Variants in HYDIN observed in about 807,000 individuals in gnomAD.
HYDIN encodes the protein axonemal central pair apparatus protein HYDIN.
In HYDIN, 132 loss-of-function variants were observed where a neutral mutation model predicts 403.9. The ratio of observed to expected loss-of-function variants is 0.33; its 90% confidence interval spans 0.28 to 0.38. The LOEUF (loss-of-function observed/expected upper bound fraction) is 0.38, where lower values mean the gene tolerates loss of function less well. HYDIN is among the 10% of genes least tolerant of loss of function. The pLI is 1.00. For synonymous variants in HYDIN, 1,202 were observed against 1,891.7 expected (o/e 0.64, Z 9.46); for missense variants, 2,827 against 5,009.5 (o/e 0.56, Z 13.15).
At chr16:71,052,178 T>G (rs2081676700) in intron 18 of HYDIN, among the ~76,000 whole-genome samples, 1 of 152,242 alleles carries the variant, frequency 6.6e-6, no homozygotes, top group Admixed American at 6.5e-5. Flanking sequence ...ATCAAGCTGT[T>G]GAGGATCATG....
intron 85 of HYDIN, among the ~76,000 whole-genome samples, chr16:70,808,763 C>T (rs2035265006): frequency 6.6e-6 from 1 of 152,228 alleles, no homozygotes; most frequent in Admixed American, 6.5e-5. Context: ...AGTACAAAAG[C>T]TACCTTTCCT....
At chr16:71,059,869 C>T (rs2082025131) in intron 18 of HYDIN, among the ~76,000 whole-genome samples, 1 of 152,108 alleles carries the variant, frequency 6.6e-6, no homozygotes, top group Non-Finnish European at 1.5e-5. Flanking sequence ...GTCAACTGTA[C>T]ATAGAAATGA....
intron 1 of HYDIN, among the ~76,000 whole-genome samples, chr16:71,188,539 G>C (rs985135722): frequency 6.6e-6 from 1 of 152,168 alleles, no homozygotes; most frequent in Admixed American, 6.6e-5. Context: ...ATATTTTAGA[G>C]TGTGAAACAC....
At position 71,046,637 on chromosome 16, in the gene HYDIN, G is replaced by A. The variant is rs142535985; in HGVS notation, c.2529+13867C>T. 3.9e-5 allele frequency among the ~76,000 whole-genome samples: 6 copies of A among 152,288 alleles called. No homozygotes were observed. The East Asian group carries it at 1.2e-3, about 29-fold the overall frequency. ...TTCTTCAGTCTCTGTCCTTTCGTTT[G>A]TGACAGGGAAGAGAAAACGAAACAG... On this transcript the variant is annotated intron_variant, in intron 18 of 85. Coordinates refer to ENST00000393567, the MANE Select transcript of HYDIN (RefSeq NM_001270974.2).
intron 64 of HYDIN, among the ~76,000 whole-genome samples, chr16:70,873,795 C>T (rs2040277304): frequency 6.6e-6 from 1 of 152,102 alleles, no homozygotes; most frequent in African/African-American, 2.4e-5. Context: ...GGGTCTGAAA[C>T]CCCCATTTCT....
intron 7 of HYDIN, among the ~76,000 whole-genome samples, chr16:71,139,461 A>G (rs2144543341): frequency 6.6e-6 from 1 of 152,306 alleles, no homozygotes; most frequent in Non-Finnish European, 1.5e-5. Context: ...GATAGAAACT[A>G]TGAACCAATT....
chr16:70,924,807 G>T (rs2077099104), intron 45 of HYDIN, among the ~76,000 whole-genome samples: 1 of 85,408 alleles, frequency 1.2e-5, no homozygotes, highest in East Asian at 3.3e-4. Context: ...GTCAGGGGTT[G>T]GGGGGCAGGA....
At chr16:70,922,290 G>T (rs1461989130) in intron 45 of HYDIN, among the ~76,000 whole-genome samples, 1 of 152,252 alleles carries the variant, frequency 6.6e-6, no homozygotes, top group Non-Finnish European at 1.5e-5. Context: ...AGACACCTGG[G>T]TTTGCACGGA....
intron 23 of HYDIN, among the ~76,000 whole-genome samples, chr16:70,994,148 A>G (rs2079449093): frequency 6.6e-6 from 1 of 152,100 alleles, no homozygotes; most frequent in Non-Finnish European, 1.5e-5. Flanking sequence ...GGCTGGGCTT[A>G]TTACTGTATG....
chr16:70,866,088 T>C (rs957991536), intron 67 of HYDIN, 81 bp downstream of exon 67: 71 of 752,798 alleles, frequency 9.4e-5, no homozygotes, highest in Non-Finnish European at 1.4e-4. Flanking sequence ...CTGTAGATAA[T>C]AGACGTTTGA....
At chr16:71,069,647 T>C in intron 13 of HYDIN, 145 bp from the exon 14 acceptor site, 1 of 648,556 alleles carries the variant, frequency 1.5e-6, no homozygotes, top group Non-Finnish European at 2.6e-6. Context: ...CTAAATATTA[T>C]TTTTATTGTT....
chr16:71,139,095 GA>G (rs71758936), intron 7 of HYDIN, among the ~76,000 whole-genome samples: 28,126 of 101,914 alleles, frequency 0.28, 2,971 homozygotes, highest in African/African-American at 0.38. Flanking sequence ...AAATAAAGAA[GA>G]AAAAAAAAAA....
chr16:71,102,915 T>C (rs1386900602), intron 10 of HYDIN, among the ~76,000 whole-genome samples: 3 of 150,750 alleles, frequency 2.0e-5, no homozygotes, highest in Admixed American at 6.7e-5. Context: ...TCTAAAATTG[T>C]ACAGTATCTT....
intron 36 of HYDIN, among the ~76,000 whole-genome samples, chr16:70,966,597 C>A (rs1240849459): frequency 6.8e-6 from 1 of 147,968 alleles, no homozygotes; most frequent in Non-Finnish European, 1.5e-5. Flanking sequence ...CAAAAGATAA[C>A]AAATATAGCG....
Position 70,833,066 on chromosome 16 carries a change from A to G in HYDIN, c.13681T>C (p.Phe4561Leu). The change falls in exon 80 of 86, where the codon TTT becomes CTT. Residue 4561 changes from phenylalanine to leucine, a missense_variant and splice_region_variant. Transcript: ENST00000393567. Reference sequence around the variant, plus strand: ...TCAAATTTTTTGATGTCCCATTTAAACCTTTTCCAAGAAAAAGAAGAAAAG... The same window carrying G: ...TCAAATTTTTTGATGTCCCATTTAAGCCTTTTCCAAGAAAAAGAAGAAAAG... ...MMNTGDVGAR[F>L]KWDIKKFEPH... 6.2e-7 allele frequency: 1 copy of G among 1,609,244 alleles called. No individual in the cohort carries two copies. The highest frequency in any genetic ancestry group is 8.5e-7 in the Non-Finnish European group (1 of 1,178,086).
At chr16:71,218,558 T>C (rs1431337310) in intron 1 of HYDIN, among the ~76,000 whole-genome samples, 2 of 152,220 alleles carry the variant, frequency 1.3e-5, no homozygotes, top group African/African-American at 4.8e-5. Context: ...CAAACAGCGA[T>C]GTAAAAACGC....
At chr16:71,112,519 G>A (rs1466501551) in intron 10 of HYDIN, among the ~76,000 whole-genome samples, 2 of 151,940 alleles carry the variant, frequency 1.3e-5, no homozygotes, top group Non-Finnish European at 2.9e-5. Context: ...ATCAAAAGCT[G>A]TACAAAAGAG....
At chr16:71,170,162 A>G (rs1380944774) in intron 5 of HYDIN, among the ~76,000 whole-genome samples, 1 of 152,228 alleles carries the variant, frequency 6.6e-6, no homozygotes, top group Non-Finnish European at 1.5e-5. Context: ...GAGAGGATCA[A>G]GCATTTCTCC....
chr16:70,923,074 A>G (rs2077044842), intron 45 of HYDIN, among the ~76,000 whole-genome samples: 1 of 151,718 alleles, frequency 6.6e-6, no homozygotes, highest in African/African-American at 2.4e-5. Context: ...GGCCCCTTTT[A>G]TAACTTTTCA....
Sources: allele counts gnomAD v4.1 joint callset (sites outside exome capture counted in the v4.1 genomes callset), GRCh38; gene constraint gnomAD v4.1.1; transcripts MANE v1.5; gene names NCBI Gene and HGNC (gene_info 2026-07-23, HGNC 2026-07-21).